Variants in HUWE1 observed in about 807,000 individuals in gnomAD.
HUWE1 encodes E3 ubiquitin-protein ligase HUWE1.
In HUWE1, 18 loss-of-function variants were observed where a neutral mutation model predicts 299.4. That is an observed-to-expected ratio of 0.06 (90% CI 0.04 to 0.09). The LOEUF (loss-of-function observed/expected upper bound fraction) is 0.09, where lower values mean the gene tolerates loss of function less well. Among genes scored for constraint, HUWE1 ranks in the 10% least tolerant of loss-of-function variants. The pLI, the probability that HUWE1 is intolerant of heterozygous loss-of-function variation, is 1.00. For missense variants in HUWE1, 1,832 were observed against 3,462.3 expected (o/e 0.53, Z 11.82); for synonymous variants, 1,317 against 1,286.1 (o/e 1.02, Z -0.51).
At chrX:53,605,802 C>T (rs1489528858) in intron 25 of HUWE1, among the ~76,000 whole-genome samples, 2 of 111,778 alleles carry the variant, frequency 1.8e-5, no homozygotes, top group Non-Finnish European at 3.8e-5. Flanking sequence ...AACTGTGATA[C>T]TGGCATAAAG....
At chrX:53,599,652 G>C (rs1164712224) in intron 29 of HUWE1, among the ~76,000 whole-genome samples, 1 of 112,300 alleles carries the variant, frequency 8.9e-6, no homozygotes, top group Admixed American at 9.4e-5. Context: ...CACAAAAAGA[G>C]AAGACTAGGT....
At chrX:53,601,065 C>A (rs782614180) in intron 28 of HUWE1, among the ~76,000 whole-genome samples, 1 of 112,003 alleles carries the variant, frequency 8.9e-6, no homozygotes, top group South Asian at 3.7e-4. Flanking sequence ...TCCCATCCCT[C>A]ACAATAACCA....
intron 7 of HUWE1, among the ~76,000 whole-genome samples, chrX:53,637,739 TA>T (rs1465121278): frequency 8.9e-6 from 1 of 112,194 alleles, no homozygotes; most frequent in African/African-American, 3.2e-5. Context: ...ATATGAAATA[TA>T]AAGAAATGTT....
rs909777514 is a variant in HUWE1 at position 53,586,962 on chromosome X, G to A, written c.4615-53C>T. On this transcript the variant is annotated intron_variant, in intron 37 of 83. Transcript: ENST00000262854. ...ACAACCAGATACCAATTTCTACTCA[G>A]TAACAAAGATTAGCATGGGATAGGG... 86 of 1,167,375 alleles carry A rather than the reference G, an allele frequency of 7.4e-5. No individual in the cohort carries two copies. The African/African-American group carries it at 1.2e-3, about 17-fold the overall frequency.
At chrX:53,584,065 A>G (rs1556970760) in intron 41 of HUWE1, 121 bp downstream of exon 41, 2 of 814,611 alleles carry the variant, frequency 2.5e-6, no homozygotes, top group African/African-American at 4.0e-5. Context: ...AAAAAGCATA[A>G]GGGAGGCCTA....
intron 49 of HUWE1, among the ~76,000 whole-genome samples, chrX:53,566,563 C>A (rs1474503160): frequency 9.0e-6 from 1 of 110,512 alleles, no homozygotes; most frequent in Non-Finnish European, 1.9e-5. Flanking sequence ...CAGAAACCAC[C>A]CTCCCACCTC....
chrX:53,536,817 T>C (rs1556913497), intron 78 of HUWE1, 150 bp from the exon 79 acceptor site: 6 of 516,236 alleles, frequency 1.2e-5, no homozygotes, highest in Non-Finnish European at 2.0e-5. Context: ...AGCCCAGAAA[T>C]GGGGTGGAGA....
intron 22 of HUWE1, 95 bp downstream of exon 22, chrX:53,615,649 C>T (rs782060938): frequency 1.6e-6 from 1 of 622,476 alleles, no homozygotes; most frequent in East Asian, 3.4e-5. Context: ...CAGCTATAGC[C>T]CAAGAATCCT....
At chrX:53,650,212 A>C (rs148422387) in intron 4 of HUWE1, among the ~76,000 whole-genome samples, 1 of 112,409 alleles carries the variant, frequency 8.9e-6, no homozygotes, top group Non-Finnish European at 1.9e-5. Context: ...AGCATGCCTA[A>C]ATGTGACCAA....
chrX:53,585,590 G>A (rs970662797), intron 39 of HUWE1, among the ~76,000 whole-genome samples: 5 of 112,243 alleles, frequency 4.5e-5, no homozygotes, highest in Admixed American at 9.4e-5. Flanking sequence ...TCCACCTTCT[G>A]CAATAGAAGG....
chrX:53,607,789 C>A, intron 24 of HUWE1, 90 bp from the exon 25 acceptor site: 1 of 581,836 alleles, frequency 1.7e-6, no homozygotes, highest in South Asian at 2.5e-5. Context: ...GCCTTCTAGT[C>A]ATGATATTAG....
At chrX:53,675,159 G>A (rs1470686259) in intron 3 of HUWE1, among the ~76,000 whole-genome samples, 1 of 110,701 alleles carries the variant, frequency 9.0e-6, no homozygotes, top group Non-Finnish European at 1.9e-5. Flanking sequence ...CTATTTTTAT[G>A]TACCAAGTAC....
At chrX:53,552,983 G>C in intron 61 of HUWE1, 90 bp from the exon 62 acceptor site, 1 of 985,868 alleles carries the variant, frequency 1.0e-6, no homozygotes, top group Non-Finnish European at 1.4e-6. Flanking sequence ...GCTTCCTTAG[G>C]GGCATCTCAG....
At chrX:53,533,753 C>T in intron 83 of HUWE1, 1 of 448,077 alleles carries the variant, frequency 2.2e-6, no homozygotes, top group South Asian at 3.3e-5. Flanking sequence ...CTCCTCCTTG[C>T]TCCAGTCACG....
intron 3 of HUWE1, among the ~76,000 whole-genome samples, chrX:53,661,890 T>C (rs1466759902): frequency 8.9e-6 from 1 of 111,840 alleles, no homozygotes; most frequent in East Asian, 2.8e-4. Flanking sequence ...GCAGAACAAG[T>C]GTACACAACT....
intron 43 of HUWE1, among the ~76,000 whole-genome samples, 161 bp from the exon 44 acceptor site, chrX:53,577,228 A>G (rs1435472362): frequency 3.6e-5 from 4 of 110,883 alleles, no homozygotes; most frequent in Non-Finnish European, 7.6e-5. Flanking sequence ...CCTGGTTTAT[A>G]CTTTCCTTAA....
chrX:53,588,584 G>A, intron 36 of HUWE1, 50 bp from the exon 37 acceptor site: 1 of 1,130,915 alleles, frequency 8.8e-7, no homozygotes, highest in East Asian at 3.1e-5. Context: ...AGCAAGATGA[G>A]GTTTCTGAAA....
At chrX:53,684,639 A>G (rs897630276) in intron 2 of HUWE1, among the ~76,000 whole-genome samples, 8 of 112,384 alleles carry the variant, frequency 7.1e-5, no homozygotes, top group Admixed American at 1.9e-4. Flanking sequence ...AGAGTCCCCC[A>G]TTGTTACCTG....
chrX:53,671,566 G>A (rs977868197), intron 3 of HUWE1, among the ~76,000 whole-genome samples: 3 of 110,941 alleles, frequency 2.7e-5, no homozygotes, highest in Admixed American at 9.5e-5. Context: ...CGAGGCGGGC[G>A]GATCACGAGG....
Sources: gnomAD v4.1 joint callset for allele counts (sites outside exome capture counted in the v4.1 genomes callset) on GRCh38, gnomAD v4.1.1 for gene constraint, MANE v1.5 for transcripts, NCBI Gene and HGNC (gene_info 2026-07-23, HGNC 2026-07-21) for gene names.